Variants in ZNF276 observed in about 807,000 individuals in gnomAD.
The protein encoded by ZNF276 is centromere protein Z.
Under a neutral mutation model 63.9 loss-of-function variants are expected in ZNF276, and 59 were observed. That is an observed-to-expected ratio of 0.92 (90% confidence interval 0.75 to 1.15). The LOEUF (loss-of-function observed/expected upper bound fraction) is 1.15, where lower values mean the gene tolerates loss of function less well. Among genes scored for constraint, ZNF276 ranks in the 50% most tolerant of loss-of-function variants. The probability of loss-of-function intolerance (pLI) is 0.00; values close to 1 mark genes in which losing one functional copy is unlikely to be tolerated. For synonymous variants in ZNF276, 496 were observed against 348.4 expected, an observed-to-expected ratio of 1.42 and a Z score of -4.72; for missense variants, 1,084 against 843.8, an observed-to-expected ratio of 1.28 and a Z score of -3.53.
chr16:89,727,224 T>G, intron 4 of ZNF276, 55 bp from the exon 5 acceptor site: 1 of 1,559,648 alleles, frequency 6.4e-7, no homozygotes, highest in African/African-American at 1.4e-5. Context: ...TCCTTGCAGG[T>G]GAGACCTTTC....
chr16:89,727,138 A>T, intron 4 of ZNF276, 141 bp from the exon 5 acceptor site: 1 of 838,910 alleles, frequency 1.2e-6, no homozygotes. Context: ...CTTGGTGGGG[A>T]TGGGGCCATG....
At position 89,737,623 on chromosome 16, in the gene ZNF276, T is replaced by C. The variant is rs575197863; in HGVS notation, c.1475-183T>C. ...CACAGCTGATGAAGCCACGTGACAG[T>C]GTATAAAGCAGTTTAAAGATCTTAA... On this transcript the variant is annotated intron_variant, in intron 9 of 10. Transcript: ENST00000443381. 10 of 1,149,006 alleles carry C rather than the reference T, an allele frequency of 8.7e-6. No individual in the cohort carries two copies. The South Asian group carries it at 1.0e-4, about 12-fold the overall frequency. 71.2% of individuals were successfully genotyped at this position (1,149,006 alleles called of 1,614,324 possible).
At chr16:89,721,188 C>A (rs539102683), upstream of ZNF276, 10 of 236,318 alleles carry the variant, frequency 4.2e-5, no homozygotes, top group Admixed American at 5.1e-4. Flanking sequence ...GAGACCCCGG[C>A]CCCCCTCCCC....
In ZNF276 at chr16:89,739,528, G is replaced by A. The variant is rs541385700; in HGVS notation, c.*1282G>A. 2.7e-5 allele frequency: 42 copies of A among 1,551,280 alleles called. No homozygotes were observed. The South Asian group carries it at 4.5e-4, about 17-fold the overall frequency. On this transcript the variant is annotated 3_prime_UTR_variant, in exon 11 of 11. Transcript: ENST00000443381. ...TGGTGTGCTGATCCGGGGCCACACG[G>A]AGGAGGAGCCGCCCCAGCCTGAGGT...
Position 89,739,395 on chromosome 16 carries a change from C to T in ZNF276, c.*1149C>T, listed in dbSNP as rs897226700. The stretch of plus-strand genomic sequence containing the variant: ...TGGAGCAGAGGCACAGACAACCCTT[C>T]CCATCTGGCGGGACCCAGAGGTGCT... On this transcript the variant is annotated 3_prime_UTR_variant, in exon 11 of 11. Coordinates refer to ENST00000443381, the MANE Select transcript of ZNF276 (RefSeq NM_001113525.2). The T allele has an allele frequency of 5.1e-6, 8 of 1,571,156 alleles. No individual in the cohort carries two copies. The highest frequency in any genetic ancestry group is 6.1e-6 in the Non-Finnish European group (7 of 1,154,294).
At position 89,739,618 on chromosome 16, in the gene ZNF276, A is replaced by T; in HGVS notation, c.*1372A>T. ...TCTGCCTATTATCAGTGCTGGGGAC[A>T]CCCCTGGGGGTCGGGACGTGTACCC... On this transcript the variant is annotated 3_prime_UTR_variant, in exon 11 of 11. Coordinates refer to ENST00000443381, the MANE Select transcript of ZNF276 (RefSeq NM_001113525.2). 6.5e-7 allele frequency: 1 copy of T among 1,530,732 alleles called. No individual in the cohort carries two copies. Among genetic ancestry groups the T allele is most frequent in the South Asian group, 1.2e-5 (1 of 83,696 alleles). 94.8% of individuals were successfully genotyped at this position (1,530,732 alleles called of 1,614,324 possible).
Position 89,733,492 on chromosome 16 carries a change from C to CCCA in ZNF276, c.1295_1297dup (p.Thr432dup). On this transcript the variant is annotated inframe_insertion, in exon 8 of 11. Transcript: ENST00000443381. ...TGCTCTTCATTGCAGGGAGGAGCTT[C>CCCA]CCACCATCTACAAGTGTCCTTACCA... 6 of 1,614,184 alleles carry CCCA rather than the reference C, an allele frequency of 3.7e-6. No individual in the cohort carries two copies. The highest frequency in any genetic ancestry group is 5.1e-6 in the Non-Finnish European group (6 of 1,180,036).
In ZNF276 at chr16:89,733,914, C is replaced by T. The variant is rs746808852; in HGVS notation, c.1357-7C>T. On this transcript the variant is annotated splice_polypyrimidine_tract_variant and splice_region_variant and intron_variant, in intron 8 of 10. Coordinates refer to ENST00000443381, the MANE Select transcript of ZNF276 (RefSeq NM_001113525.2). ...TCTGAGGGTCTCTCACCGAGTCTCT[C>T]CTTCAGAAGCACATCAAGGAGCACC... is the stretch of plus-strand genomic sequence containing the variant. The T allele has an allele frequency of 1.2e-6, 2 of 1,613,154 alleles. No individual in the cohort carries two copies. The highest frequency in any genetic ancestry group is 1.7e-6 in the Non-Finnish European group (2 of 1,179,628).
chr16:89,737,264 G>A (rs180978193), intron 9 of ZNF276, among the ~76,000 whole-genome samples: 2 of 152,278 alleles, frequency 1.3e-5, no homozygotes, highest in Non-Finnish European at 2.9e-5. Flanking sequence ...GCTCACACAT[G>A]TAATCCCAGC....
chr16:89,737,634 G>GT, intron 9 of ZNF276, 172 bp from the exon 10 acceptor site: 1 of 1,324,396 alleles, frequency 7.6e-7, no homozygotes, highest in Non-Finnish European at 1.0e-6. Context: ...GTATAAAGCA[G>GT]TTTAAAGATC....
chr16:89,735,130 CA>C (rs567350382), intron 9 of ZNF276, among the ~76,000 whole-genome samples: 3 of 149,120 alleles, frequency 2.0e-5, no homozygotes, highest in Admixed American at 6.7e-5. Flanking sequence ...GACACTGTCT[CA>C]AAAAAAAAAC....
At chr16:89,735,421 T>C (rs1647705788) in intron 9 of ZNF276, among the ~76,000 whole-genome samples, 1 of 152,176 alleles carries the variant, frequency 6.6e-6, no homozygotes, top group African/African-American at 2.4e-5. Context: ...ATTTTTTCAT[T>C]AGGATTGCTT....
chr16:89,729,201 A>G (rs1418234219), intron 5 of ZNF276, 34 bp from the exon 6 acceptor site: 1 of 1,599,026 alleles, frequency 6.3e-7, no homozygotes, highest in African/African-American at 1.3e-5. Context: ...GCCCAGGCCC[A>G]GGGCTTTGCT....
In ZNF276 at chr16:89,733,501, T is replaced by G; in HGVS notation, c.1300T>G (p.Tyr434Asp). 1.2e-6 allele frequency: 2 copies of G among 1,614,158 alleles called. No individual in the cohort carries two copies. Among genetic ancestry groups the G allele is most frequent in the Non-Finnish European group, 1.7e-6 (2 of 1,180,030 alleles). Residue 434 changes from tyrosine to aspartate, a missense_variant, in exon 8 of 11, where the codon TAC becomes GAC. Transcript: ENST00000443381. ...TTGCAGGGAGGAGCTTCCCACCATC[T>G]ACAAGTGTCCTTACCAGGGCTGCAC... ...RCEREELPTI[Y>D]KCPYQGCTAV...
In ZNF276 at chr16:89,739,189, C is replaced by A. The variant is rs757592625; in HGVS notation, c.*943C>A. 6.2e-7 allele frequency: 1 copy of A among 1,614,042 alleles called. No individual in the cohort carries two copies. Among genetic ancestry groups the A allele is most frequent in the African/African-American group, 1.3e-5 (1 of 74,930 alleles). ...GGAGGTGAAACTGTGCTTGTATCCC[C>A]AGCCACGAAGAGCTGGACCAGCTTC... On this transcript the variant is annotated 3_prime_UTR_variant, in exon 11 of 11. Coordinates refer to ENST00000443381, the MANE Select transcript of ZNF276 (RefSeq NM_001113525.2).
intron 9 of ZNF276, among the ~76,000 whole-genome samples, chr16:89,734,524 A>C (rs568231960): frequency 1.3e-5 from 2 of 152,220 alleles, no homozygotes; most frequent in Non-Finnish European, 2.9e-5. Flanking sequence ...ACGGGGTTTC[A>C]CCATGTTGGC....
chr16:89,728,960 C>T (rs1425617511), intron 5 of ZNF276, among the ~76,000 whole-genome samples: 1 of 152,144 alleles, frequency 6.6e-6, no homozygotes, highest in African/African-American at 2.4e-5. Flanking sequence ...AGCGCCTCCA[C>T]CCCTTCTGGG....
chr16:89,737,859 C>T lies in ZNF276; in HGVS notation c.1528C>T (p.His510Tyr). 1 of 1,614,214 alleles carries T rather than the reference C, an allele frequency of 6.2e-7. No individual in the cohort carries two copies. The highest frequency in any genetic ancestry group is 8.5e-7 in the Non-Finnish European group (1 of 1,180,044). Residue 510 changes from histidine (H) to tyrosine (Y), a missense_variant, in exon 10 of 11, where the codon CAC becomes TAC. Physicochemically the swap from His to Tyr is moderately conservative, Grantham distance 83 (BLOSUM62 2). Transcript: ENST00000443381. Reference sequence around the variant, plus strand: ...TGGACAAACCTTCAAGCAGCGGAAGCACCTTCTCGTCCACCAAATGCGACA... The same window carrying T: ...TGGACAAACCTTCAAGCAGCGGAAGTACCTTCTCGTCCACCAAATGCGACA... ...ECGQTFKQRK[H>Y]LLVHQMRHSG...
intron 6 of ZNF276, chr16:89,731,876 C>T (rs1456771230): frequency 2.0e-5 from 3 of 152,194 alleles, no homozygotes; most frequent in East Asian, 1.9e-4. Context: ...GGGTTTTCTA[C>T]GTAGAAGGTC....
Sources: allele counts gnomAD v4.1 joint callset (sites outside exome capture counted in the v4.1 genomes callset), GRCh38; gene constraint gnomAD v4.1.1; transcripts MANE v1.5; gene names NCBI Gene and HGNC (gene_info 2026-07-23, HGNC 2026-07-21).